Variants in RALY observed in about 807,000 individuals in gnomAD.
RALY encodes RNA-binding protein Raly.
A neutral mutation model predicts 30.7 loss-of-function variants in RALY; 15 were observed. The observed-to-expected ratio is 0.49, with a 90% CI of 0.33 to 0.75. The LOEUF (loss-of-function observed/expected upper bound fraction) is 0.75. RALY is among the 30% of genes least tolerant of loss of function. The pLI, the probability that RALY is intolerant of heterozygous loss-of-function variation, is 0.02. For synonymous variants in RALY, 177 were observed against 170.8 expected (o/e 1.04, Z -0.28); for missense variants, 339 against 414.3 (o/e 0.82, Z 1.58).
intron 9 of RALY, among the ~76,000 whole-genome samples, chr20:34,079,294 GGTGGAGCCT>G (rs1290116052): frequency 2.0e-5 from 3 of 152,192 alleles, no homozygotes; most frequent in Non-Finnish European, 4.4e-5. Flanking sequence ...GGTAGTAGTT[GGTGGAGCCT>G]GGATTTCAGC....
chr20:34,044,760 G>A (rs909126017), intron 2 of RALY, among the ~76,000 whole-genome samples: 5 of 152,202 alleles, frequency 3.3e-5, no homozygotes, highest in African/African-American at 1.2e-4. Flanking sequence ...CCACAAGCCC[G>A]TAAGTTAGTC....
At chr20:34,079,507 T>C (rs909014731) in intron 9 of RALY, among the ~76,000 whole-genome samples, 33 of 152,198 alleles carry the variant, frequency 2.2e-4, no homozygotes, top group African/African-American at 1.9e-4. Flanking sequence ...GACACATTTA[T>C]GCTGTAGTAA....
At chr20:34,017,214 A>T (rs1399929930) in intron 1 of RALY, among the ~76,000 whole-genome samples, 1 of 126,772 alleles carries the variant, frequency 7.9e-6, no homozygotes, top group Non-Finnish European at 1.7e-5. Flanking sequence ...AGTGTTAAAT[A>T]CTGAGCCTCA....
intron 2 of RALY, among the ~76,000 whole-genome samples, chr20:34,071,517 G>A (rs1471703922): frequency 6.6e-6 from 1 of 152,030 alleles, no homozygotes; most frequent in African/African-American, 2.4e-5. Context: ...GACCTTAGGT[G>A]ATGCACCCGT....
chr20:34,004,072 A>G (rs988580281), intron 1 of RALY, among the ~76,000 whole-genome samples: 19 of 152,212 alleles, frequency 1.2e-4, no homozygotes, highest in African/African-American at 4.1e-4. Context: ...AGTTATAGAT[A>G]TGAATTTTAA....
intron 2 of RALY, among the ~76,000 whole-genome samples, chr20:34,033,919 A>G (rs750190228): frequency 8.5e-5 from 13 of 152,094 alleles, no homozygotes; most frequent in East Asian, 5.8e-4. Context: ...TAGTCTTTCC[A>G]TAAGGAAAGG....
At chr20:33,994,749 G>A (rs1427199240) in intron 1 of RALY, among the ~76,000 whole-genome samples, 1 of 152,198 alleles carries the variant, frequency 6.6e-6, no homozygotes, top group East Asian at 1.9e-4. Context: ...CGGTGACATG[G>A]GGGGAAAGAA....
intron 2 of RALY, among the ~76,000 whole-genome samples, chr20:34,041,554 C>T (rs2032701243): frequency 6.6e-6 from 1 of 152,210 alleles, no homozygotes; most frequent in Non-Finnish European, 1.5e-5. Context: ...TAGTCTCTGT[C>T]TTTTTCTCAG....
At chr20:34,066,939 G>A (rs543962489) in intron 2 of RALY, among the ~76,000 whole-genome samples, 21 of 152,304 alleles carry the variant, frequency 1.4e-4, no homozygotes, top group Admixed American at 1.2e-3. Flanking sequence ...AGGAGAGCGT[G>A]TGTGGCTGAC....
At chr20:34,021,558 T>A (rs939357481) in intron 1 of RALY, among the ~76,000 whole-genome samples, 1 of 152,218 alleles carries the variant, frequency 6.6e-6, no homozygotes, top group Non-Finnish European at 1.5e-5. Flanking sequence ...AGAGCCCTCA[T>A]GCACTAATGT....
intron 1 of RALY, chr20:34,016,637 C>G (rs974507194): frequency 6.6e-6 from 1 of 152,244 alleles, no homozygotes; most frequent in African/African-American, 2.4e-5. Flanking sequence ...CTGATACCAC[C>G]TTGGACAAGT....
Position 34,064,251 on chromosome 20 carries a change from C to G in RALY, c.-9-7815C>G, listed in dbSNP as rs764416732. ...CCTGGAACTATGAAGGGGAGCTTGTCGCAGATGGTAAGCCTCAGCCTAAGG... is the reference window on the plus strand; with the variant it reads ...CCTGGAACTATGAAGGGGAGCTTGTGGCAGATGGTAAGCCTCAGCCTAAGG... On this transcript the variant is annotated intron_variant, in intron 2 of 9. Coordinates refer to ENST00000246194, the MANE Select transcript of RALY (RefSeq NM_016732.3). Among the ~76,000 whole-genome samples the G allele has an allele frequency of 5.9e-5, 9 of 152,072 alleles. 1 individual carries two copies. The highest frequency in any genetic ancestry group is 5.9e-4 in the Admixed American group (9 of 15,272).
At chr20:34,073,066 GT>G (rs1467340613) in intron 3 of RALY, among the ~76,000 whole-genome samples, 2 of 152,162 alleles carry the variant, frequency 1.3e-5, no homozygotes, top group African/African-American at 2.4e-5. Flanking sequence ...GCATGAAGGT[GT>G]TTGGTAGAAC....
chr20:34,011,528 G>A (rs113604906), intron 1 of RALY, among the ~76,000 whole-genome samples: 1 of 152,190 alleles, frequency 6.6e-6, no homozygotes, highest in African/African-American at 2.4e-5. Flanking sequence ...AAGATAGGTG[G>A]TGGTGTCAGG....
intron 2 of RALY, among the ~76,000 whole-genome samples, chr20:34,034,589 AT>A (rs1417062188): frequency 6.6e-6 from 1 of 152,240 alleles, no homozygotes; most frequent in Non-Finnish European, 1.5e-5. Context: ...AGCTACCCAT[AT>A]AATAGCTTAT....
chr20:34,039,032 G>A (rs1432153228), intron 2 of RALY, among the ~76,000 whole-genome samples: 2 of 152,190 alleles, frequency 1.3e-5, no homozygotes, highest in Non-Finnish European at 2.9e-5. Flanking sequence ...AGGGAATGAG[G>A]TAGAAAGTTG....
intron 8 of RALY, chr20:34,077,491 C>A: frequency 1.4e-6 from 1 of 723,044 alleles, no homozygotes; most frequent in Non-Finnish European, 2.2e-6. Flanking sequence ...ACATTCTGGC[C>A]TCCGGTTTCC....
intron 1 of RALY, among the ~76,000 whole-genome samples, chr20:34,010,215 G>A (rs2031341670): frequency 6.6e-6 from 1 of 152,060 alleles, no homozygotes; most frequent in Non-Finnish European, 1.5e-5. Context: ...AATCAAAACC[G>A]TTTTACTTAT....
At chr20:34,062,194 TATA>T (rs2033437721) in intron 2 of RALY, among the ~76,000 whole-genome samples, 1 of 152,208 alleles carries the variant, frequency 6.6e-6, no homozygotes, top group African/African-American at 2.4e-5. Context: ...AGGCCTGGCA[TATA>T]ATGAGTATTC....
Sources: gnomAD v4.1 joint callset for allele counts (sites outside exome capture counted in the v4.1 genomes callset) on GRCh38, gnomAD v4.1.1 for gene constraint, MANE v1.5 for transcripts, NCBI Gene and HGNC (gene_info 2026-07-23, HGNC 2026-07-21) for gene names.